CD59: variants seen among roughly 807,000 people sequenced by gnomAD.
CD59 encodes CD59 molecule (CD59 blood group).
A neutral mutation model predicts 7.0 loss-of-function variants in CD59; 3 were observed. That is an observed-to-expected ratio of 0.43 (90% CI 0.19 to 1.10). CD59 has a LOEUF of 1.10. CD59 is among the 50% of genes least tolerant of loss of function. The pLI is 0.29. For missense variants in CD59, 143 were observed against 151.0 expected (o/e 0.95, Z 0.28); for synonymous variants, 60 against 62.0 (o/e 0.97, Z 0.15).
At position 33,711,189 on chromosome 11, in the gene CD59, A is replaced by G. The variant is rs77147484; in HGVS notation, c.170-846T>C. Among the ~76,000 whole-genome samples the G allele has an allele frequency of 9.5e-4, 144 of 152,320 alleles. 3 individuals carry two copies. In the East Asian group the frequency reaches 0.025, roughly 26 times the overall value. On this transcript the variant is annotated intron_variant, in intron 3 of 3. Transcript: ENST00000642928. ...GTTTGCAAATCACATGTAAACCACCAGGTGCGGTGGCTCACACCTGTAATC... is the reference window on the plus strand; with the variant it reads ...GTTTGCAAATCACATGTAAACCACCGGGTGCGGTGGCTCACACCTGTAATC...
At position 33,703,506 on chromosome 11, in the gene CD59, G is replaced by A. The variant is rs77354123; in HGVS notation, c.*6620C>T. The stretch of plus-strand genomic sequence containing the variant: ...TACCATCCTGTTGGAGCTTCCTAAC[G>A]CCCCTGCTCCCTGGTTTCATTTGGA... On this transcript the variant is annotated 3_prime_UTR_variant, in exon 4 of 4. Transcript: ENST00000642928. The A allele has an allele frequency of 0.055, 8,404 of 152,178 alleles. 418 individuals are homozygous for A. Among genetic ancestry groups the A allele is most frequent in the African/African-American group, 0.13 (5,496 of 41,516 alleles). 9.4% of individuals were successfully genotyped at this position (152,178 alleles called of 1,614,324 possible).
At chr11:33,722,315 G>A in intron 2 of CD59, 64 bp downstream of exon 2, 1 of 1,204,494 alleles carries the variant, frequency 8.3e-7, no homozygotes, top group South Asian at 1.2e-5. Context: ...CTGAAACTGA[G>A]GCTTAAGAAG....
At chr11:33,728,806 A>C (rs979660039) in intron 1 of CD59, among the ~76,000 whole-genome samples, 1 of 152,232 alleles carries the variant, frequency 6.6e-6, no homozygotes, top group Non-Finnish European at 1.5e-5. Context: ...ATCTACAAAT[A>C]AACAAATTTA....
intron 2 of CD59, 102 bp downstream of exon 2, chr11:33,722,277 A>C: frequency 1.1e-6 from 1 of 882,784 alleles, no homozygotes; most frequent in East Asian, 2.4e-5. Context: ...CAAAAGAACC[A>C]AAGCCAGGCC....
chr11:33,711,363 C>G (rs1319328268), intron 3 of CD59: 2 of 700,320 alleles, frequency 2.9e-6, no homozygotes, highest in African/African-American at 1.8e-5. Context: ...CATTCTTAAA[C>G]TCTACAATAA....
chr11:33,724,081 C>A (rs1691391803), intron 1 of CD59, among the ~76,000 whole-genome samples: 1 of 152,174 alleles, frequency 6.6e-6, no homozygotes, highest in African/African-American at 2.4e-5. Context: ...TGCACTCCAG[C>A]CTGGGTGACA....
At chr11:33,720,375 C>T (rs1324653274) in intron 2 of CD59, among the ~76,000 whole-genome samples, 1 of 152,096 alleles carries the variant, frequency 6.6e-6, no homozygotes, top group Admixed American at 6.5e-5. Context: ...GAGAAGGAAA[C>T]TCTAGATTAT....
Position 33,703,635 on chromosome 11 carries a change from T to G in CD59, c.*6491A>C, listed in dbSNP as rs1457423918. The G allele has an allele frequency of 6.6e-6, 1 of 152,180 alleles. No individual in the cohort carries two copies. The highest frequency in any genetic ancestry group is 2.4e-5 in the African/African-American group (1 of 41,444). The allele number at this position is 152,180 out of a possible 1,614,324, so 9.4% of individuals were successfully genotyped here. On this transcript the variant is annotated 3_prime_UTR_variant, in exon 4 of 4. Transcript: ENST00000642928. Reference sequence around the variant, plus strand: ...GGCTTGCTAATCCTGCACCTCTACCTTAAGCTTACCCAGCGTGAGGCCAGG... The same window carrying G: ...GGCTTGCTAATCCTGCACCTCTACCGTAAGCTTACCCAGCGTGAGGCCAGG...
chr11:33,721,381 T>C (rs1854053396), intron 2 of CD59, among the ~76,000 whole-genome samples: 1 of 152,184 alleles, frequency 6.6e-6, no homozygotes. Context: ...TCTGGCACAG[T>C]CCCCAGTAAA....
chr11:33,717,459 T>G lies in CD59; in HGVS notation c.80A>C (p.Gln27Pro). 1 of 1,605,906 alleles carries G rather than the reference T, an allele frequency of 6.2e-7. No homozygotes were observed. The highest frequency in any genetic ancestry group is 8.5e-7 in the Non-Finnish European group (1 of 1,172,560). Residue 27 changes from glutamine to proline, a missense_variant, in exon 3 of 4, where the codon CAG (glutamine) becomes CCG (proline). Physicochemically the swap from Gln to Pro is moderately conservative, Grantham distance 76. Transcript: ENST00000642928. ...AGTTGGGTTAGGACAGTTGTAGCAC[T>G]GCAGGCTATGACCTAGAATCAGGAA... ...AVFCHSGHSL[Q>P]CYNCPNPTAD...
In CD59 at chr11:33,709,843, T is replaced by C; in HGVS notation, c.*283A>G. 1.8e-6 allele frequency: 1 copy of C among 545,460 alleles called. No individual in the cohort carries two copies. The highest frequency in any genetic ancestry group is 2.1e-5 in the South Asian group (1 of 48,518). The allele number at this position is 545,460 out of a possible 1,614,324, so 33.8% of individuals were successfully genotyped here. A position where few individuals can be genotyped will look rare whatever the true frequency, so the allele number is the denominator to read the frequency against. ...GCAGAGAACCCACTCAAGCTGTCAC[T>C]GCAAAGCTGGTCTTCCCAAGAGCAA... is the stretch of plus-strand genomic sequence containing the variant. On this transcript the variant is annotated 3_prime_UTR_variant, in exon 4 of 4. Transcript: ENST00000642928.
intron 1 of CD59, among the ~76,000 whole-genome samples, chr11:33,735,807 T>G (rs921866130): frequency 6.6e-6 from 1 of 151,638 alleles, no homozygotes; most frequent in East Asian, 1.9e-4. Flanking sequence ...TCCCAGCTAC[T>G]CAGGAGGCTG....
chr11:33,711,688 A>C (rs1489050712), intron 3 of CD59, among the ~76,000 whole-genome samples: 1 of 152,098 alleles, frequency 6.6e-6, no homozygotes, highest in Non-Finnish European at 1.5e-5. Context: ...TTAAAAAAAA[A>C]TGGGCAAAGG....
chr11:33,714,501 A>G (rs1853701121), intron 3 of CD59, among the ~76,000 whole-genome samples: 1 of 152,230 alleles, frequency 6.6e-6, no homozygotes, highest in South Asian at 2.1e-4. Context: ...ATTGCTGTAC[A>G]CTACTGTAGA....
intron 3 of CD59, chr11:33,711,516 A>AC (rs1472464272): frequency 1.6e-6 from 1 of 642,168 alleles, no homozygotes. Flanking sequence ...CTACAAAAAT[A>AC]AAAAATAAAA....
At position 33,709,331 on chromosome 11, in the gene CD59, G is replaced by C. The variant is rs1853440682; in HGVS notation, c.*795C>G. On this transcript the variant is annotated 3_prime_UTR_variant, in exon 4 of 4. Transcript: ENST00000642928. ...TTTCTACCAGTAACATTTAAAATAAGCACACTTAATACTGCCAGTCACATG... is the reference window on the plus strand; with the variant it reads ...TTTCTACCAGTAACATTTAAAATAACCACACTTAATACTGCCAGTCACATG... 6.5e-6 allele frequency: 1 copy of C among 152,696 alleles called. No individual in the cohort carries two copies. The highest frequency in any genetic ancestry group is 2.4e-5 in the African/African-American group (1 of 41,376). The allele number at this position is 152,696 out of a possible 1,614,324, so 9.5% of individuals were successfully genotyped here. A position where few individuals can be genotyped will look rare whatever the true frequency, so the allele number is the denominator to read the frequency against.
chr11:33,713,929 A>C (rs976071907), intron 3 of CD59, among the ~76,000 whole-genome samples: 2 of 152,210 alleles, frequency 1.3e-5, no homozygotes, highest in Non-Finnish European at 2.9e-5. Flanking sequence ...ACTTCGGCTC[A>C]AGTCTATCTA....
At chr11:33,729,689 G>A (rs756381703) in intron 1 of CD59, among the ~76,000 whole-genome samples, 8 of 147,494 alleles carry the variant, frequency 5.4e-5, no homozygotes, top group East Asian at 4.0e-4. Context: ...CTTAAACCCC[G>A]TATCTCCGAG....
At chr11:33,731,051 A>C (rs998837645) in intron 1 of CD59, among the ~76,000 whole-genome samples, 32 of 152,318 alleles carry the variant, frequency 2.1e-4, no homozygotes, top group Non-Finnish European at 2.6e-4. Context: ...ATAAGAATAC[A>C]GTAGGCAATA....
Sources: allele counts gnomAD v4.1 joint callset (sites outside exome capture counted in the v4.1 genomes callset), GRCh38; gene constraint gnomAD v4.1.1; transcripts MANE v1.5; gene names NCBI Gene and HGNC (gene_info 2026-07-23, HGNC 2026-07-21).